Variants in GSTCD observed in about 807,000 individuals in gnomAD.
GSTCD encodes the protein glutathione S-transferase C-terminal domain-containing protein.
Under a neutral mutation model 68.3 loss-of-function variants are expected in GSTCD, and 44 were observed. That is an observed-to-expected ratio of 0.64 (90% CI 0.51 to 0.83). The LOEUF is 0.83. Ranked by LOEUF, GSTCD falls within the 40% of genes least tolerant of loss-of-function variation. The pLI, the probability that GSTCD is intolerant of heterozygous loss-of-function variation, is 0.00. For missense variants in GSTCD, 739 were observed against 735.9 expected (o/e 1.00, Z -0.05); for synonymous variants, 273 against 255.2 (o/e 1.07, Z -0.67).
chr4:105,710,953 G>C (rs1732517100), intron 1 of GSTCD: 1 of 152,066 alleles, frequency 6.6e-6, no homozygotes, highest in Non-Finnish European at 1.5e-5. Context: ...TTGTTCTCTA[G>C]GACTTAACTG....
chr4:105,800,931 A>G (rs1249979878), intron 5 of GSTCD, among the ~76,000 whole-genome samples: 1 of 152,118 alleles, frequency 6.6e-6, no homozygotes, highest in African/African-American at 2.4e-5. Flanking sequence ...TTCACAGCCA[A>G]CAGCACCATA....
Position 105,718,910 on chromosome 4 carries a change from G to A in GSTCD, c.427-150G>A, listed in dbSNP as rs889879555. ...TTTGCTTAATGTTTTTACTTCTGAAGCACTGTGATGTGTCTCCTGATACAA... is the reference window on the plus strand; with the variant it reads ...TTTGCTTAATGTTTTTACTTCTGAAACACTGTGATGTGTCTCCTGATACAA... On this transcript the variant is annotated intron_variant, in intron 2 of 11. Transcript: ENST00000515279. The A allele has an allele frequency of 7.1e-4, 445 of 623,286 alleles. 1 individual carries two copies. The highest frequency in any genetic ancestry group is 9.1e-4 in the Non-Finnish European group (322 of 352,096). 38.6% of individuals were successfully genotyped at this position (623,286 alleles called of 1,614,324 possible).
chr4:105,755,146 G>A (rs1013061876), intron 5 of GSTCD, among the ~76,000 whole-genome samples: 25 of 149,708 alleles, frequency 1.7e-4, no homozygotes, highest in African/African-American at 6.1e-4. Flanking sequence ...TACTAGGGAG[G>A]CTGAGCAGAA....
intron 5 of GSTCD, among the ~76,000 whole-genome samples, chr4:105,735,785 G>A (rs1377503431): frequency 6.6e-6 from 1 of 152,056 alleles, no homozygotes; most frequent in Non-Finnish European, 1.5e-5. Context: ...CATGCTGGGA[G>A]CTGTAGACTG....
chr4:105,812,915 TTTC>T (rs1722812816), intron 5 of GSTCD, among the ~76,000 whole-genome samples: 1 of 152,274 alleles, frequency 6.6e-6, no homozygotes, highest in East Asian at 1.9e-4. Flanking sequence ...TTTATTTATT[TTTC>T]TTAAAAAGAC....
intron 1 of GSTCD, 43 bp from the exon 2 acceptor site, chr4:105,717,550 T>G: frequency 8.5e-7 from 1 of 1,176,122 alleles, no homozygotes; most frequent in Non-Finnish European, 1.2e-6. Flanking sequence ...AGCTTCTAAA[T>G]GATTATATTC....
At chr4:105,843,768 C>G (rs770536048) in intron 11 of GSTCD, among the ~76,000 whole-genome samples, 5 of 152,108 alleles carry the variant, frequency 3.3e-5, no homozygotes, top group Non-Finnish European at 7.3e-5. Context: ...CACATGCTTT[C>G]TGGAGGACAC....
chr4:105,835,923 A>C (rs904858043), intron 9 of GSTCD, among the ~76,000 whole-genome samples: 21 of 152,054 alleles, frequency 1.4e-4, no homozygotes, highest in African/African-American at 4.6e-4. Context: ...GAGGAGACCC[A>C]CAGAGGGTAG....
chr4:105,801,896 A>G (rs1736118592), intron 5 of GSTCD, among the ~76,000 whole-genome samples: 1 of 152,066 alleles, frequency 6.6e-6, no homozygotes, highest in Non-Finnish European at 1.5e-5. Context: ...GTGCTTATGA[A>G]GTCAAACCTA....
intron 7 of GSTCD, among the ~76,000 whole-genome samples, chr4:105,825,432 C>T (rs371145112): frequency 2.0e-5 from 3 of 152,016 alleles, no homozygotes; most frequent in Non-Finnish European, 4.4e-5. Flanking sequence ...GCCCGGCCCA[C>T]GCTGTATTAT....
At chr4:105,781,479 AC>A (rs1458439705) in intron 5 of GSTCD, among the ~76,000 whole-genome samples, 1 of 150,686 alleles carries the variant, frequency 6.6e-6, no homozygotes, top group African/African-American at 2.4e-5. Flanking sequence ...CTGGTCTCGA[AC>A]TCCTGGCCTC....
chr4:105,772,907 G>T (rs907963764), intron 5 of GSTCD, among the ~76,000 whole-genome samples: 7 of 152,074 alleles, frequency 4.6e-5, no homozygotes, highest in African/African-American at 1.7e-4. Flanking sequence ...TTTTTCTGTT[G>T]TTTGCAATAG....
chr4:105,787,849 A>AT (rs1357152439), intron 5 of GSTCD, among the ~76,000 whole-genome samples: 6 of 152,092 alleles, frequency 3.9e-5, no homozygotes, highest in African/African-American at 1.5e-4. Flanking sequence ...GTAAAGCACG[A>AT]TTTTTTGGTA....
intron 10 of GSTCD, among the ~76,000 whole-genome samples, chr4:105,839,740 C>T (rs886968301): frequency 6.6e-6 from 1 of 152,150 alleles, no homozygotes; most frequent in African/African-American, 2.4e-5. Flanking sequence ...AAAAACTAGA[C>T]CCCTGTTTCT....
chr4:105,755,344 A>G (rs1341036511), intron 5 of GSTCD, among the ~76,000 whole-genome samples: 2 of 151,830 alleles, frequency 1.3e-5, no homozygotes, highest in East Asian at 3.9e-4. Flanking sequence ...TAGGGAGGTA[A>G]GGAGGGAAGG....
intron 5 of GSTCD, among the ~76,000 whole-genome samples, chr4:105,781,125 C>G (rs1373957990): frequency 6.6e-6 from 1 of 152,168 alleles, no homozygotes; most frequent in Non-Finnish European, 1.5e-5. Context: ...TTACTTTCTC[C>G]TCTCACCCAG....
At chr4:105,766,968 G>A (rs928435819) in intron 5 of GSTCD, among the ~76,000 whole-genome samples, 1 of 126,930 alleles carries the variant, frequency 7.9e-6, no homozygotes, top group African/African-American at 2.9e-5. Context: ...AGTATGATAA[G>A]TTAGAAGAAA....
Position 105,725,361 on chromosome 4 carries a change from A to G in GSTCD, c.895-1218A>G, listed in dbSNP as rs72969260. ...AAATGTTCAACTCATTTGAAGCACA[A>G]TTACTGGATTGTATGGTAAGAGTAT... On this transcript the variant is annotated intron_variant, in intron 3 of 11. Coordinates refer to ENST00000515279, the MANE Select transcript of GSTCD (RefSeq NM_001370181.1). 6.1e-3 allele frequency among the ~76,000 whole-genome samples: 936 copies of G among 152,224 alleles called. 7 individuals are homozygous for G. The highest frequency in any genetic ancestry group is 0.021 in the African/African-American group (862 of 41,554).
intron 3 of GSTCD, among the ~76,000 whole-genome samples, chr4:105,723,436 C>T (rs535121892): frequency 2.6e-5 from 4 of 151,854 alleles, no homozygotes; most frequent in African/African-American, 9.6e-5. Context: ...TTTTTCTTGT[C>T]GTGATCCCCT....
Sources: allele counts gnomAD v4.1 joint callset (sites outside exome capture counted in the v4.1 genomes callset), GRCh38; gene constraint gnomAD v4.1.1; transcripts MANE v1.5; gene names NCBI Gene and HGNC (gene_info 2026-07-23, HGNC 2026-07-21).